Variants in RFX7 observed in about 807,000 individuals in gnomAD.
RFX7 encodes regulatory factor X7, also known as DNA-binding protein RFX7.
RFX7 carries 26 observed loss-of-function variants against 111.8 expected under a neutral mutation model. The ratio of observed to expected loss-of-function variants is 0.23; its 90% confidence interval spans 0.17 to 0.32. The LOEUF (loss-of-function observed/expected upper bound fraction) is 0.32, where lower values mean the gene tolerates loss of function less well. RFX7 is among the 10% of genes least tolerant of loss of function. The pLI, the probability that RFX7 is intolerant of heterozygous loss-of-function variation, is 1.00. For synonymous variants in RFX7, 624 were observed against 624.4 expected (o/e 1.00, Z 0.01); for missense variants, 1,573 against 1,772.9 (o/e 0.89, Z 2.02).
intron 8 of RFX7, among the ~76,000 whole-genome samples, chr15:56,100,033 C>A (rs1183586957): frequency 6.6e-6 from 1 of 152,158 alleles, no homozygotes; most frequent in African/African-American, 2.4e-5. Context: ...AGAAAGACAG[C>A]AGAGCAAACT....
intron 2 of RFX7, among the ~76,000 whole-genome samples, chr15:56,215,680 A>G (rs1319158567): frequency 6.6e-6 from 1 of 152,250 alleles, no homozygotes; most frequent in African/African-American, 2.4e-5. Context: ...TTGGATACCA[A>G]GATTATACCA....
In RFX7 at chr15:56,129,102, A is replaced by G. The variant is rs191468348; in HGVS notation, c.401+13676T>C. On this transcript the variant is annotated intron_variant, in intron 5 of 9. Transcript: ENST00000559447. ...TCCTAGGTTAAAAACAGGACCAGGC[A>G]CAATGGCTCACGCCTGTAATCCCAA... Among the ~76,000 whole-genome samples, 15 of 152,316 alleles carry G rather than the reference A, an allele frequency of 9.8e-5. No individual in the cohort carries two copies. The East Asian group carries it at 2.7e-3, about 27-fold the overall frequency.
At chr15:56,098,505 ATTTC>A in intron 8 of RFX7, 129 bp from the exon 9 acceptor site, 1 of 844,592 alleles carries the variant, frequency 1.2e-6, no homozygotes, top group Non-Finnish European at 1.8e-6. Flanking sequence ...TTAACTCACA[ATTTC>A]TTTATGAAGC....
At chr15:56,136,741 T>C (rs560536997) in intron 5 of RFX7, among the ~76,000 whole-genome samples, 52 of 145,342 alleles carry the variant, frequency 3.6e-4, no homozygotes, top group African/African-American at 1.1e-3. Context: ...CAGTATGATA[T>C]TGGCTGTGGG....
chr15:56,116,025 A>C (rs2042005154), intron 5 of RFX7, among the ~76,000 whole-genome samples: 1 of 152,228 alleles, frequency 6.6e-6, no homozygotes, highest in Non-Finnish European at 1.5e-5. Context: ...ATTAAGAATT[A>C]ACAAACATTG....
chr15:56,136,416 T>C (rs1325049206), intron 5 of RFX7, among the ~76,000 whole-genome samples: 1 of 146,556 alleles, frequency 6.8e-6, no homozygotes, highest in East Asian at 2.0e-4. Context: ...GGCTCTCTGT[T>C]TGTCTGTTGC....
intron 5 of RFX7, among the ~76,000 whole-genome samples, chr15:56,110,274 G>A (rs1595931820): frequency 1.0e-5 from 1 of 99,834 alleles, no homozygotes; most frequent in Non-Finnish European, 2.2e-5. Context: ...GGTGGGGGGG[G>A]GTCAGCCCCC....
chr15:56,213,563 G>A (rs2141200836), intron 2 of RFX7, among the ~76,000 whole-genome samples: 1 of 152,274 alleles, frequency 6.6e-6, no homozygotes, highest in South Asian at 2.1e-4. Flanking sequence ...GATATAGAAG[G>A]ATACCATGAG....
chr15:56,195,550 A>G (rs2043139693), intron 2 of RFX7, among the ~76,000 whole-genome samples: 1 of 152,150 alleles, frequency 6.6e-6, no homozygotes, highest in East Asian at 1.9e-4. Context: ...TGTTCTTAGT[A>G]CTTGCCTGCT....
intron 2 of RFX7, among the ~76,000 whole-genome samples, chr15:56,187,899 C>T (rs1351061444): frequency 6.6e-6 from 1 of 152,012 alleles, no homozygotes; most frequent in African/African-American, 2.4e-5. Flanking sequence ...ACTGATAATG[C>T]CCATTACACA....
At position 56,243,201 on chromosome 15, in the gene RFX7, C is replaced by A. The variant is rs1345188103; in HGVS notation, c.85G>T (p.Ala29Ser). The change falls in exon 2 of 10, where the codon GCC becomes TCC. Residue 29 changes from alanine to serine, a missense_variant. Coordinates refer to ENST00000559447, the MANE Select transcript of RFX7 (RefSeq NM_022841.7). ...AGCCCGGGCACAAGGGCTGGCAGGG[C>A]CACCCCCGAGTTGGGGGCGCTGGGG... ...LPPSAPNSGV[A>S]LPALVPGLPG... The A allele has an allele frequency of 1.5e-6, 2 of 1,344,622 alleles. No individual in the cohort carries two copies. Among genetic ancestry groups the A allele is most frequent in the East Asian group, 4.8e-5 (1 of 20,848 alleles). 83.3% of individuals were successfully genotyped at this position (1,344,622 alleles called of 1,614,324 possible). A position where few individuals can be genotyped will look rare whatever the true frequency, so the allele number is the denominator to read the frequency against.
At position 56,093,803 on chromosome 15, in the gene RFX7, A is replaced by G; in HGVS notation, c.3925T>C (p.Tyr1309His). Residue 1309 changes from tyrosine (Y) to histidine (H), a missense_variant, in exon 10 of 10, where the codon TAT (tyrosine) becomes CAT (histidine). Physicochemically the swap from Tyr to His is moderately conservative, Grantham distance 83. Around this residue, in one of 7 missense-constraint regions of RFX7, gnomAD observed 411 missense variants for 478.1 expected, o/e 0.86. Coordinates refer to ENST00000559447, the MANE Select transcript of RFX7 (RefSeq NM_022841.7). Reference protein sequence around the residue: ...QNMIDSSTSVYEFQTPSYLTK... With the variant: ...QNMIDSSTSVHEFQTPSYLTK... ...AGGTAAGATGGTGTTTGGAACTCATAAACAGAAGTGCTGGAATCGATCATA... is the reference window on the plus strand; with the variant it reads ...AGGTAAGATGGTGTTTGGAACTCATGAACAGAAGTGCTGGAATCGATCATA... 1 of 1,613,958 alleles carries G rather than the reference A, an allele frequency of 6.2e-7. No individual in the cohort carries two copies.
In RFX7 at chr15:56,096,141, C is replaced by A; in HGVS notation, c.1587G>T (p.Ala529=). ...TGACTTCCACAGCAGATGTTCCCCCCGCACTGCTGCTCCTGGACCCAGGAG... is the reference window on the plus strand; with the variant it reads ...TGACTTCCACAGCAGATGTTCCCCCAGCACTGCTGCTCCTGGACCCAGGAG... ...LQSPGSRSSS[A]GGTSAVEVKV... The change falls in exon 10 of 10, where the codon GCG becomes GCT. Residue 529 remains alanine (A), a synonymous_variant. Coordinates refer to ENST00000559447, the MANE Select transcript of RFX7 (RefSeq NM_022841.7). 6.2e-7 allele frequency: 1 copy of A among 1,613,824 alleles called. No homozygotes were observed. Among genetic ancestry groups the A allele is most frequent in the Non-Finnish European group, 8.5e-7 (1 of 1,179,822 alleles).
intron 2 of RFX7, among the ~76,000 whole-genome samples, chr15:56,185,877 C>T (rs2043032911): frequency 6.6e-6 from 1 of 152,032 alleles, no homozygotes; most frequent in African/African-American, 2.4e-5. Flanking sequence ...TAATTTCTCT[C>T]GTGATTTGAA....
chr15:56,101,203 A>T (rs1348382936), intron 8 of RFX7, among the ~76,000 whole-genome samples, 156 bp downstream of exon 8: 1 of 152,162 alleles, frequency 6.6e-6, no homozygotes, highest in Non-Finnish European at 1.5e-5. Context: ...TTCTTGGCTC[A>T]ACAGACCCAT....
chr15:56,165,023 G>A (rs1391136969), intron 3 of RFX7, among the ~76,000 whole-genome samples: 3 of 152,296 alleles, frequency 2.0e-5, no homozygotes, highest in South Asian at 2.1e-4. Flanking sequence ...GTTTTGGGAC[G>A]TAACTGTTCC....
chr15:56,239,277 A>ATT (rs36095815), intron 2 of RFX7, among the ~76,000 whole-genome samples: 5 of 149,422 alleles, frequency 3.3e-5, no homozygotes, highest in Middle Eastern at 3.4e-3. Context: ...TTTTTATACA[A>ATT]TTTTTTTTTT....
intron 2 of RFX7, 85 bp downstream of exon 2, chr15:56,243,040 G>GCGGCCC: frequency 3.5e-6 from 2 of 570,718 alleles, no homozygotes; most frequent in Non-Finnish European, 6.2e-6. Flanking sequence ...CTCCTCCTCC[G>GCGGCCC]CTCCCCCCGC....
intron 5 of RFX7, among the ~76,000 whole-genome samples, chr15:56,106,991 G>T (rs538091835): frequency 6.6e-6 from 1 of 151,980 alleles, no homozygotes; most frequent in African/African-American, 2.4e-5. Flanking sequence ...CTGTTTACGC[G>T]ATCACTAACA....
Sources: allele counts gnomAD v4.1 joint callset (sites outside exome capture counted in the v4.1 genomes callset), GRCh38; gene constraint gnomAD v4.1.1; regional missense constraint gnomAD v4.1.1; transcripts MANE v1.5; gene names NCBI Gene and HGNC (gene_info 2026-07-23, HGNC 2026-07-21).